Variants in DKK3 observed in about 807,000 individuals in gnomAD.
The protein encoded by DKK3 is dickkopf Wnt signaling pathway inhibitor 3.
In DKK3, 22 loss-of-function variants were observed where a neutral mutation model predicts 33.2. The ratio of observed to expected loss-of-function variants is 0.66; its 90% CI spans 0.47 to 0.95. The LOEUF is 0.95. Among genes scored for constraint, DKK3 ranks in the 40% least tolerant of loss-of-function variants. The pLI, the probability that DKK3 is intolerant of heterozygous loss-of-function variation, is 0.00. For synonymous variants in DKK3, 194 were observed against 188.8 expected, an observed-to-expected ratio of 1.03 and a Z score of -0.23; for missense variants, 398 against 458.4, an observed-to-expected ratio of 0.87 and a Z score of 1.20.
chr11:11,973,876 A>G (rs1369482577), intron 3 of DKK3, among the ~76,000 whole-genome samples: 2 of 152,184 alleles, frequency 1.3e-5, no homozygotes, highest in Admixed American at 6.5e-5. Flanking sequence ...GAGGACAACA[A>G]TGAGTCCCTG....
Position 11,983,995 on chromosome 11 carries a change from G to C in DKK3, c.435+14701C>G, listed in dbSNP as rs572690529. Among the ~76,000 whole-genome samples, 13 of 152,344 alleles carry C rather than the reference G, an allele frequency of 8.5e-5. No homozygotes were observed. In the South Asian group the frequency reaches 2.7e-3, roughly 32 times the overall value. ...ACAATGGTGGGGATGTCACTCCAAT[G>C]AAGGCAACAGACAGATCCTTCTACA... On this transcript the variant is annotated intron_variant, in intron 3 of 6. Coordinates refer to ENST00000683431, the MANE Select transcript of DKK3 (RefSeq NM_001018057.2).
chr11:12,007,906 G>A (rs1289188629), intron 1 of DKK3, among the ~76,000 whole-genome samples: 1 of 152,218 alleles, frequency 6.6e-6, no homozygotes, highest in Non-Finnish European at 1.5e-5. Flanking sequence ...TGCCAGCAAA[G>A]CTCAGGGCTC....
chr11:11,965,678 C>T (rs931969330), intron 6 of DKK3, 131 bp downstream of exon 6: 36 of 1,183,954 alleles, frequency 3.0e-5, no homozygotes, highest in Middle Eastern at 2.9e-4. Context: ...CATGACCCAA[C>T]GACCTCTCAA....
intron 3 of DKK3, among the ~76,000 whole-genome samples, chr11:11,988,724 G>A (rs550236944): frequency 9.9e-5 from 15 of 152,216 alleles, no homozygotes; most frequent in African/African-American, 3.4e-4. Flanking sequence ...GTGTGGAGTG[G>A]GTGTTAATTC....
chr11:11,968,379 G>A lies in DKK3; in HGVS notation c.528+16C>T, dbSNP rs902306798. 5 of 1,607,686 alleles carry A rather than the reference G, an allele frequency of 3.1e-6. No individual in the cohort carries two copies. The highest frequency in any genetic ancestry group is 1.7e-4 in the Middle Eastern group (1 of 6,060). On this transcript the variant is annotated intron_variant, in intron 4 of 6. Coordinates refer to ENST00000683431, the MANE Select transcript of DKK3 (RefSeq NM_001018057.2). ...AGACCCTGGTGCCACAGCCCCAGAG[G>A]CCCTGGCATACTCACCATCCTCTGG...
intron 3 of DKK3, among the ~76,000 whole-genome samples, chr11:11,984,844 T>C (rs1358708221): frequency 6.6e-6 from 1 of 152,140 alleles, no homozygotes; most frequent in Non-Finnish European, 1.5e-5. Flanking sequence ...TTCCAGTCTC[T>C]TCCCTGCCCT....
chr11:11,971,226 A>G (rs922213187), intron 3 of DKK3, among the ~76,000 whole-genome samples: 1 of 152,248 alleles, frequency 6.6e-6, no homozygotes, highest in South Asian at 2.1e-4. Flanking sequence ...AAAAATGTCC[A>G]ACCAGAGGGA....
chr11:11,978,810 TA>T (rs1212003245), intron 3 of DKK3: 2 of 152,270 alleles, frequency 1.3e-5, no homozygotes, highest in Non-Finnish European at 2.9e-5. Context: ...TCCTGCATCC[TA>T]AGCATTAACT....
At chr11:11,984,655 TAAAAAAA>T (rs11297335) in intron 3 of DKK3, among the ~76,000 whole-genome samples, 10 of 139,098 alleles carry the variant, frequency 7.2e-5, no homozygotes, top group Non-Finnish European at 1.4e-4. Flanking sequence ...CAATTTCCTT[TAAAAAAA>T]AAAAAAAAAA....
intron 3 of DKK3, among the ~76,000 whole-genome samples, chr11:11,981,573 G>A (rs1209225532): frequency 2.0e-5 from 3 of 152,192 alleles, no homozygotes; most frequent in Admixed American, 6.5e-5. Flanking sequence ...TGAAGGTGAT[G>A]ATCTCAGAGC....
chr11:11,964,820 A>G, intron 6 of DKK3, 134 bp from the exon 7 acceptor site: 2 of 1,468,592 alleles, frequency 1.4e-6, no homozygotes, highest in Non-Finnish European at 9.0e-7. Flanking sequence ...CAACAGAGAC[A>G]CTTCACTTCC....
intron 3 of DKK3, among the ~76,000 whole-genome samples, chr11:11,981,204 T>C (rs192394863): frequency 1.3e-5 from 2 of 152,324 alleles, no homozygotes; most frequent in Non-Finnish European, 2.9e-5. Flanking sequence ...CATTTGGCTC[T>C]TTCCCTTGTC....
chr11:11,994,246 C>T (rs1848245541), intron 3 of DKK3, among the ~76,000 whole-genome samples: 1 of 152,004 alleles, frequency 6.6e-6, no homozygotes. Flanking sequence ...TAATAATGAA[C>T]CTCACACAAA....
intron 4 of DKK3, 31 bp from the exon 5 acceptor site, chr11:11,967,129 G>T (rs1847616825): frequency 6.2e-7 from 1 of 1,607,056 alleles, no homozygotes; most frequent in African/African-American, 1.3e-5. Context: ...CCTAGAGCCA[G>T]CGGCTTAGGG....
chr11:11,966,875 C>T, intron 5 of DKK3, 79 bp downstream of exon 5: 1 of 1,566,704 alleles, frequency 6.4e-7, no homozygotes, highest in South Asian at 1.2e-5. Flanking sequence ...ATGTGGTTGG[C>T]ATGGACGTGG....
At chr11:11,993,293 C>T (rs1848223837) in intron 3 of DKK3, among the ~76,000 whole-genome samples, 1 of 151,988 alleles carries the variant, frequency 6.6e-6, no homozygotes. Flanking sequence ...ATTTTTTATG[C>T]ATACTTTTTT....
chr11:11,971,197 T>G (rs2135004326), intron 3 of DKK3, among the ~76,000 whole-genome samples: 2 of 152,326 alleles, frequency 1.3e-5, no homozygotes, highest in East Asian at 3.9e-4. Context: ...CGTTATATTA[T>G]TTATAATCCA....
chr11:11,978,230 A>C (rs892430473), intron 3 of DKK3, among the ~76,000 whole-genome samples: 2 of 152,204 alleles, frequency 1.3e-5, no homozygotes, highest in Non-Finnish European at 1.5e-5. Flanking sequence ...GTGGCCTCAA[A>C]GACATCCATG....
At position 11,973,294 on chromosome 11, in the gene DKK3, C is replaced by A. The variant is rs139123493; in HGVS notation, c.436-4807G>T. ...TTGACTGGACTGGAGCCGACAGACA[C>A]TTTTCATTTCCTGCTGGGGAGATCA... On this transcript the variant is annotated intron_variant, in intron 3 of 6. Coordinates refer to ENST00000683431, the MANE Select transcript of DKK3 (RefSeq NM_001018057.2). Among the ~76,000 whole-genome samples the A allele has an allele frequency of 3.9e-3, 587 of 152,340 alleles. 7 individuals are homozygous for A. Among genetic ancestry groups the A allele is most frequent in the African/African-American group, 0.014 (563 of 41,580 alleles).
Sources: allele counts gnomAD v4.1 joint callset (sites outside exome capture counted in the v4.1 genomes callset), GRCh38; gene constraint gnomAD v4.1.1; transcripts MANE v1.5; gene names NCBI Gene and HGNC (gene_info 2026-07-23, HGNC 2026-07-21).